PCSK6: variants seen among roughly 807,000 people sequenced by gnomAD.
PCSK6 encodes proprotein convertase subtilisin/kexin type 6.
PCSK6 carries 85 observed loss-of-function variants against 123.3 expected under a neutral mutation model. The observed-to-expected ratio is 0.69, with a 90% confidence interval of 0.58 to 0.83. The LOEUF (loss-of-function observed/expected upper bound fraction) is 0.83, where lower values mean the gene tolerates loss of function less well. Ranked by LOEUF, PCSK6 falls within the 40% of genes least tolerant of loss-of-function variation. The pLI, the probability that PCSK6 is intolerant of heterozygous loss-of-function variation, is 0.00. For synonymous variants in PCSK6, 508 were observed against 516.0 expected (o/e 0.98, Z 0.21); for missense variants, 1,191 against 1,282.3 (o/e 0.93, Z 1.09).
intron 13 of PCSK6, among the ~76,000 whole-genome samples, chr15:101,357,044 C>T (rs1180601875): frequency 2.0e-5 from 3 of 152,222 alleles, no homozygotes; most frequent in Non-Finnish European, 4.4e-5. Context: ...AGCACTTTTA[C>T]ACAGAACACC....
intron 13 of PCSK6, among the ~76,000 whole-genome samples, chr15:101,352,645 C>A (rs977459207): frequency 6.6e-6 from 1 of 152,200 alleles, no homozygotes; most frequent in Admixed American, 6.5e-5. Context: ...TCGGTCTATT[C>A]CAGCACCAGT....
At chr15:101,439,383 T>C (rs1242082275) in intron 2 of PCSK6, among the ~76,000 whole-genome samples, 1 of 152,238 alleles carries the variant, frequency 6.6e-6, no homozygotes, top group African/African-American at 2.4e-5. Flanking sequence ...ATTCAAACTT[T>C]TTACCAATTC....
intron 9 of PCSK6, among the ~76,000 whole-genome samples, chr15:101,388,444 T>C (rs4965838): frequency 0.64 from 97,109 of 151,970 alleles, 31,764 homozygotes; most frequent in Admixed American, 0.73. Context: ...AAGTACAATT[T>C]GGTTTTGACT....
intron 1 of PCSK6, among the ~76,000 whole-genome samples, chr15:101,485,957 A>ATTTTTTTTT (rs11303524): frequency 8.6e-6 from 1 of 116,108 alleles, no homozygotes; most frequent in African/African-American, 3.3e-5. Flanking sequence ...ATTTATTTAA[A>ATTTTTTTTT]TTTTTTTTTT....
In PCSK6 at chr15:101,318,427, T is replaced by C. The variant is rs1173256114; in HGVS notation, c.2466-5A>G. ...ATGCAGCTGCCCCGTGCAAGGCTGT[T>C]GAAAAGAAAGAGGCAGATTTCCACA... On this transcript the variant is annotated splice_region_variant and splice_polypyrimidine_tract_variant and intron_variant, in intron 18 of 21. Transcript: ENST00000611716. 6.4e-7 allele frequency: 1 copy of C among 1,553,376 alleles called. No individual in the cohort carries two copies. Among genetic ancestry groups the C allele is most frequent in the Non-Finnish European group, 8.7e-7 (1 of 1,147,774 alleles).
intron 13 of PCSK6, among the ~76,000 whole-genome samples, chr15:101,348,881 C>T (rs2040817771): frequency 6.6e-6 from 1 of 152,192 alleles, no homozygotes; most frequent in African/African-American, 2.4e-5. Flanking sequence ...GCTCCAGTGT[C>T]TGCGGCAGCC....
chr15:101,428,805 C>G (rs1459981480), intron 5 of PCSK6, among the ~76,000 whole-genome samples: 1 of 152,244 alleles, frequency 6.6e-6, no homozygotes, highest in African/African-American at 2.4e-5. Context: ...CTGGAAGCCA[C>G]ACAGCTTCAA....
At chr15:101,444,520 G>T (rs142064753) in intron 1 of PCSK6, among the ~76,000 whole-genome samples, 5 of 152,226 alleles carry the variant, frequency 3.3e-5, no homozygotes, top group Non-Finnish European at 5.9e-5. Flanking sequence ...TTCTTTTCTA[G>T]CTTGATTAAA....
At chr15:101,465,816 A>T (rs1004928201) in intron 1 of PCSK6, among the ~76,000 whole-genome samples, 1 of 152,192 alleles carries the variant, frequency 6.6e-6, no homozygotes, top group Non-Finnish European at 1.5e-5. Context: ...CACTAAAAAA[A>T]TTTTAAGAGA....
At chr15:101,484,390 T>C (rs12911483) in intron 1 of PCSK6, among the ~76,000 whole-genome samples, 9,137 of 152,320 alleles carry the variant, frequency 0.06, 356 homozygotes, top group South Asian at 0.13. Flanking sequence ...TGCTTGTTTT[T>C]GTTTTTGTTT....
Position 101,305,173 on chromosome 15 carries a change from G to T in PCSK6, c.*85C>A. The T allele has an allele frequency of 8.3e-7, 1 of 1,209,068 alleles. No homozygotes were observed. The highest frequency in any genetic ancestry group is 1.2e-6 in the Non-Finnish European group (1 of 846,064). 74.9% of individuals were successfully genotyped at this position (1,209,068 alleles called of 1,614,324 possible). A position where few individuals can be genotyped will look rare whatever the true frequency, so the allele number is the denominator to read the frequency against. ...CTGTCAGGTGCAGGGCGCCGCTCCTGAAACAGACTCTGGCCGACAGTCTGG... is the reference window on the plus strand; with the variant it reads ...CTGTCAGGTGCAGGGCGCCGCTCCTTAAACAGACTCTGGCCGACAGTCTGG... On this transcript the variant is annotated 3_prime_UTR_variant, in exon 22 of 22. Coordinates refer to ENST00000611716, the MANE Select transcript of PCSK6 (RefSeq NM_002570.5). This position sits in a 1 kb window ranked among gnomAD's most constrained non-coding sequence, Gnocchi z 4.8.
intron 5 of PCSK6, 82 bp from the exon 6 acceptor site, chr15:101,428,062 AAG>A: frequency 8.8e-7 from 1 of 1,136,212 alleles, no homozygotes; most frequent in Non-Finnish European, 1.3e-6. Context: ...TCAATGCAAC[AAG>A]AGAGTCAGTT....
intron 13 of PCSK6, among the ~76,000 whole-genome samples, chr15:101,348,211 G>A (rs374960274): frequency 5.3e-4 from 80 of 152,334 alleles, no homozygotes; most frequent in African/African-American, 1.8e-3. Context: ...CGGTGGGAAC[G>A]TCAGCAGCCA....
chr15:101,459,212 C>T (rs12904859), intron 1 of PCSK6, among the ~76,000 whole-genome samples: 78,462 of 152,006 alleles, frequency 0.52, 22,562 homozygotes, highest in Non-Finnish European at 0.67. Context: ...TGCTTCCTCA[C>T]ACACCCTTGG....
intron 1 of PCSK6, among the ~76,000 whole-genome samples, chr15:101,446,984 C>T (rs1272458552): frequency 3.3e-5 from 5 of 152,268 alleles, no homozygotes; most frequent in African/African-American, 1.2e-4. Context: ...ACGGGCAAAA[C>T]CAGTGAGAGA....
At chr15:101,412,484 AC>A (rs2055724261) in intron 6 of PCSK6, among the ~76,000 whole-genome samples, 1 of 151,986 alleles carries the variant, frequency 6.6e-6, no homozygotes, top group African/African-American at 2.4e-5. Flanking sequence ...CATGAAAAAA[AC>A]ACCTAGGTGA....
chr15:101,449,615 A>G (rs1181228574), intron 1 of PCSK6, among the ~76,000 whole-genome samples: 2 of 152,120 alleles, frequency 1.3e-5, no homozygotes, highest in East Asian at 1.9e-4. Context: ...ACCTTCGTAC[A>G]TGTCAGCTTC....
Position 101,370,364 on chromosome 15 carries a change from C to A in PCSK6, c.1692G>T (p.Ser564=). 6.4e-7 allele frequency: 1 copy of A among 1,551,814 alleles called. No individual in the cohort carries two copies. The highest frequency in any genetic ancestry group is 2.4e-5 in the East Asian group (1 of 41,160). ...GDLQIYLVSP[S]GTKSQLLAKR... ...TTGCCAGAAGTTGAGACTTGGTTCC[C>A]GAGGGAGAAACCAGGTAGATCTGGA... Residue 564 remains serine, a synonymous_variant, in exon 12 of 22, where the codon TCG becomes TCT. Coordinates refer to ENST00000611716, the MANE Select transcript of PCSK6 (RefSeq NM_002570.5).
intron 11 of PCSK6, among the ~76,000 whole-genome samples, chr15:101,374,101 A>T (rs1029112436): frequency 6.6e-6 from 1 of 152,146 alleles, no homozygotes; most frequent in East Asian, 1.9e-4. Context: ...ATCTCTAATG[A>T]CAGCAAATGC....
Sources: allele counts gnomAD v4.1 joint callset (sites outside exome capture counted in the v4.1 genomes callset), GRCh38; gene constraint gnomAD v4.1.1; non-coding constraint Gnocchi (gnomAD v3.1); transcripts MANE v1.5; gene names NCBI Gene and HGNC (gene_info 2026-07-23, HGNC 2026-07-21).